VPS13B: variants seen among roughly 807,000 people sequenced by gnomAD.
VPS13B encodes the protein vacuolar protein sorting 13 homolog B, also known as intermembrane lipid transfer protein VPS13B.
A neutral mutation model predicts 426.4 loss-of-function variants in VPS13B; 285 were observed. That is an observed-to-expected ratio of 0.67 (90% CI 0.61 to 0.74). The LOEUF is 0.74. Ranked by LOEUF, VPS13B falls within the 30% of genes least tolerant of loss-of-function variation. VPS13B has a pLI of 0.00. For synonymous variants in VPS13B, 1,676 were observed against 1,676.4 expected (o/e 1.00, Z 0.01); for missense variants, 4,537 against 4,782.6 (o/e 0.95, Z 1.51).
chr8:99,337,896 A>C (rs1811011977), intron 19 of VPS13B, among the ~76,000 whole-genome samples: 1 of 152,118 alleles, frequency 6.6e-6, no homozygotes, highest in South Asian at 2.1e-4. Context: ...TGTGAGGTAG[A>C]GATCAAGTTT....
chr8:99,536,613 A>G, intron 30 of VPS13B: 1 of 533,180 alleles, frequency 1.9e-6, no homozygotes, highest in South Asian at 1.4e-5. Context: ...CTGGGACCCC[A>G]TTATCCTTTA....
At chr8:99,694,818 C>A (rs1316496445) in intron 35 of VPS13B, among the ~76,000 whole-genome samples, 4 of 152,096 alleles carry the variant, frequency 2.6e-5, no homozygotes, top group Non-Finnish European at 5.9e-5. Context: ...GGCTAATATC[C>A]AGAATCTACA....
At chr8:99,205,767 G>A (rs1241463368) in intron 17 of VPS13B, among the ~76,000 whole-genome samples, 2 of 152,050 alleles carry the variant, frequency 1.3e-5, no homozygotes, top group African/African-American at 4.8e-5. Context: ...ACAATTTAGT[G>A]TTTTTCTTAA....
intron 19 of VPS13B, among the ~76,000 whole-genome samples, chr8:99,338,574 C>T (rs953132278): frequency 2.6e-5 from 4 of 152,042 alleles, no homozygotes; most frequent in Admixed American, 6.5e-5. Context: ...CTTCTGAGCA[C>T]ATTATATTTA....
intron 29 of VPS13B, 131 bp from the exon 30 acceptor site, chr8:99,520,768 C>G: frequency 1.8e-6 from 1 of 557,002 alleles, no homozygotes; most frequent in Non-Finnish European, 3.1e-6. Context: ...GATTTTTTTT[C>G]ATTTTACTTT....
chr8:99,309,197 T>G (rs1344848988), intron 19 of VPS13B, among the ~76,000 whole-genome samples: 1 of 152,224 alleles, frequency 6.6e-6, no homozygotes, highest in East Asian at 1.9e-4. Flanking sequence ...TAGATCCCAT[T>G]TGTCAATTTT....
intron 3 of VPS13B, chr8:99,094,152 A>G (rs773445874): frequency 7.2e-5 from 11 of 152,174 alleles, no homozygotes; most frequent in Admixed American, 2.0e-4. Flanking sequence ...GTGATTTCAG[A>G]TGGTTTCAGT....
intron 19 of VPS13B, among the ~76,000 whole-genome samples, chr8:99,297,093 T>C (rs1272987302): frequency 5.3e-5 from 8 of 152,120 alleles, no homozygotes; most frequent in Non-Finnish European, 1.2e-4. Context: ...TTCAGAAAAT[T>C]TGAGACTTTA....
chr8:99,092,235 C>G (rs1313026529), intron 3 of VPS13B: 1 of 152,138 alleles, frequency 6.6e-6, no homozygotes, highest in African/African-American at 2.4e-5. Flanking sequence ...GACATTCTTG[C>G]TTGTTTCATG....
chr8:99,388,554 G>A (rs16897326), intron 20 of VPS13B, among the ~76,000 whole-genome samples: 11,244 of 152,166 alleles, frequency 0.074, 511 homozygotes, highest in African/African-American at 0.13. Context: ...TTTGAGAAGA[G>A]CTACAGTACC....
chr8:99,180,849 A>G (rs1388693083), intron 16 of VPS13B, among the ~76,000 whole-genome samples: 1 of 152,202 alleles, frequency 6.6e-6, no homozygotes, highest in East Asian at 1.9e-4. Flanking sequence ...TTTTAGCCTT[A>G]ATAGTAGAGA....
intron 3 of VPS13B, among the ~76,000 whole-genome samples, chr8:99,072,737 AGGTT>A (rs2132338485): frequency 6.6e-6 from 1 of 152,190 alleles, no homozygotes; most frequent in East Asian, 1.9e-4. Context: ...TCAGGTCTTA[AGGTT>A]AAGTCTTTAA....
At chr8:99,429,587 C>G (rs1193052006) in intron 21 of VPS13B, 2 of 152,184 alleles carry the variant, frequency 1.3e-5, no homozygotes, top group South Asian at 4.1e-4. Context: ...CTTCCAGTCT[C>G]TCAGTCCTAA....
intron 36 of VPS13B, among the ~76,000 whole-genome samples, chr8:99,701,670 A>G (rs1832287919): frequency 1.3e-5 from 2 of 152,170 alleles, no homozygotes; most frequent in African/African-American, 2.4e-5. Context: ...AACATACTTT[A>G]TACAACTCTA....
chr8:99,512,059 A>G (rs896011556), intron 29 of VPS13B, among the ~76,000 whole-genome samples: 2 of 152,224 alleles, frequency 1.3e-5, no homozygotes, highest in African/African-American at 4.8e-5. Flanking sequence ...AAATATTTGT[A>G]TACGAACCTT....
intron 21 of VPS13B, among the ~76,000 whole-genome samples, chr8:99,393,615 C>G (rs1814568452): frequency 6.6e-6 from 1 of 152,100 alleles, no homozygotes; most frequent in Non-Finnish European, 1.5e-5. Context: ...TATTCTTACT[C>G]AAGCTTGCAT....
intron 35 of VPS13B, chr8:99,697,309 C>A: frequency 1.7e-6 from 1 of 572,628 alleles, no homozygotes; most frequent in Non-Finnish European, 3.1e-6. Flanking sequence ...AAGGATGTCG[C>A]GCCCGAAGGT....
intron 16 of VPS13B, among the ~76,000 whole-genome samples, chr8:99,177,499 T>G (rs1812701057): frequency 6.6e-6 from 1 of 152,202 alleles, no homozygotes; most frequent in Non-Finnish European, 1.5e-5. Flanking sequence ...ATATTAGATT[T>G]TTTCCCTTTA....
At chr8:99,540,063 ATTTTTTTTTTTTTTTTTTTTT>A (rs1172789372) in intron 30 of VPS13B, among the ~76,000 whole-genome samples, 8 of 8,810 alleles carry the variant, frequency 9.1e-4, no homozygotes, top group African/African-American at 3.3e-3. Context: ...ATATATATAT[ATTTTTTTTTTTTTTTTTTTTT>A]TTTTTTTTTT....
Sources: allele counts gnomAD v4.1 joint callset (sites outside exome capture counted in the v4.1 genomes callset), GRCh38; gene constraint gnomAD v4.1.1; transcripts MANE v1.5; gene names NCBI Gene and HGNC (gene_info 2026-07-23, HGNC 2026-07-21).